The following ARL3 variants were observed in gnomAD, a reference collection of about 807,000 sequenced individuals.
The protein encoded by ARL3 is ARF like GTPase 3.
Under a neutral mutation model 26.0 loss-of-function variants are expected in ARL3, and 9 were observed. The observed-to-expected ratio is 0.35, with a 90% CI of 0.21 to 0.60. The LOEUF (loss-of-function observed/expected upper bound fraction) is 0.60, where lower values mean the gene tolerates loss of function less well. ARL3 is among the 20% of genes least tolerant of loss of function. The pLI, the probability that ARL3 is intolerant of heterozygous loss-of-function variation, is 0.78. For missense variants in ARL3, 158 were observed against 215.7 expected (o/e 0.73, Z 1.67); for synonymous variants, 71 against 78.4 (o/e 0.91, Z 0.50).
At chr10:102,688,357 G>A (rs1017817961) in intron 4 of ARL3, among the ~76,000 whole-genome samples, 27 of 152,234 alleles carry the variant, frequency 1.8e-4, no homozygotes, top group African/African-American at 6.0e-4. Flanking sequence ...GAAGGGTGGT[G>A]GGTTGTTTCC....
intron 2 of ARL3, among the ~76,000 whole-genome samples, chr10:102,700,136 G>A (rs1164012191): frequency 6.6e-6 from 1 of 152,170 alleles, no homozygotes; most frequent in Non-Finnish European, 1.5e-5. Context: ...TTCAGGCTGG[G>A]TGCGTAGCTC....
chr10:102,684,351 G>T (rs1347427297), intron 5 of ARL3, among the ~76,000 whole-genome samples: 1 of 151,812 alleles, frequency 6.6e-6, no homozygotes, highest in East Asian at 1.9e-4. Context: ...GGGCTTCACT[G>T]TGTTAGCCAG....
chr10:102,702,384 T>C (rs1033255202), intron 2 of ARL3, among the ~76,000 whole-genome samples: 2 of 152,184 alleles, frequency 1.3e-5, no homozygotes, highest in African/African-American at 4.8e-5. Flanking sequence ...TATTTATTTA[T>C]ACTTCCTAAA....
At chr10:102,688,240 G>A (rs1421110352) in intron 4 of ARL3, among the ~76,000 whole-genome samples, 1 of 152,144 alleles carries the variant, frequency 6.6e-6, no homozygotes, top group Non-Finnish European at 1.5e-5. Flanking sequence ...AAACACATGG[G>A]CTTTCAAAGA....
chr10:102,687,485 C>T (rs983121080), intron 4 of ARL3, among the ~76,000 whole-genome samples: 7 of 151,852 alleles, frequency 4.6e-5, no homozygotes, highest in East Asian at 3.9e-4. Context: ...GGGCGGAGTT[C>T]GAGACCAGTC....
At chr10:102,694,131 G>A (rs2064234849) in intron 3 of ARL3, among the ~76,000 whole-genome samples, 1 of 152,156 alleles carries the variant, frequency 6.6e-6, no homozygotes, top group Admixed American at 6.5e-5. Context: ...GGGACTACAG[G>A]CGCCTGCCAC....
chr10:102,696,223 C>T (rs1305802052), intron 3 of ARL3, among the ~76,000 whole-genome samples: 1 of 151,136 alleles, frequency 6.6e-6, no homozygotes, highest in Non-Finnish European at 1.5e-5. Flanking sequence ...CTCGGCCTCC[C>T]AAAGTGCTGG....
chr10:102,686,212 C>A (rs1406024098), intron 4 of ARL3, among the ~76,000 whole-genome samples: 1 of 151,472 alleles, frequency 6.6e-6, no homozygotes, highest in Non-Finnish European at 1.5e-5. Flanking sequence ...GCTGGGACTA[C>A]AGGCATGCAC....
chr10:102,696,863 C>T (rs1277759341), intron 3 of ARL3, among the ~76,000 whole-genome samples: 1 of 152,136 alleles, frequency 6.6e-6, no homozygotes, highest in Non-Finnish European at 1.5e-5. Context: ...GTGGAGATGT[C>T]AAATAGGCAG....
rs35266514 is a variant in ARL3 at position 102,676,262 on chromosome 10, C to CTT, written c.*630_*631dup. 5.7e-4 allele frequency: 79 copies of CTT among 138,984 alleles called. No individual in the cohort carries two copies. The highest frequency in any genetic ancestry group is 6.2e-4 in the African/African-American group (23 of 36,810). 8.6% of individuals were successfully genotyped at this position (138,984 alleles called of 1,614,324 possible). A position where few individuals can be genotyped will look rare whatever the true frequency, so the allele number is the denominator to read the frequency against. ...TGTAGTGACTTGTCTGCAAGAAAGA[C>CTT]TTTTTTTTTTTTTTCTGTCCAAAGA... On this transcript the variant is annotated 3_prime_UTR_variant, in exon 6 of 6. Coordinates refer to ENST00000260746, the MANE Select transcript of ARL3 (RefSeq NM_004311.4).
Position 102,676,835 on chromosome 10 carries a change from A to C in ARL3, c.*59T>G. The C allele has an allele frequency of 1.3e-6, 2 of 1,546,254 alleles. No individual in the cohort carries two copies. The highest frequency in any genetic ancestry group is 3.3e-5 in the Admixed American group (2 of 59,836). ...ACATTTGGTCAGAAAGCAGCAAATT[A>C]GTGTTTTTCAGGACCGAATTCGGCT... On this transcript the variant is annotated 3_prime_UTR_variant, in exon 6 of 6. Transcript: ENST00000260746.
chr10:102,694,394 TCTC>T (rs932634695), intron 3 of ARL3, among the ~76,000 whole-genome samples: 48 of 152,362 alleles, frequency 3.2e-4, no homozygotes, highest in African/African-American at 1.1e-3. Flanking sequence ...ACCTAGATGT[TCTC>T]CTATGTTGTC....
At chr10:102,691,047 A>T (rs2064214499) in intron 3 of ARL3, among the ~76,000 whole-genome samples, 1 of 152,118 alleles carries the variant, frequency 6.6e-6, no homozygotes, top group African/African-American at 2.4e-5. Flanking sequence ...TTAATACTCC[A>T]AAGCAAGGGT....
chr10:102,688,951 G>A (rs905798543), intron 4 of ARL3, among the ~76,000 whole-genome samples: 1 of 152,250 alleles, frequency 6.6e-6, no homozygotes, highest in African/African-American at 2.4e-5. Flanking sequence ...AACCTGAAGA[G>A]CCTTTGGGCA....
intron 1 of ARL3, among the ~76,000 whole-genome samples, chr10:102,706,204 C>A (rs1410911248): frequency 1.3e-5 from 2 of 152,130 alleles, no homozygotes; most frequent in South Asian, 2.1e-4. Flanking sequence ...GTAATCCCAG[C>A]ACTTTGGGAG....
intron 2 of ARL3, among the ~76,000 whole-genome samples, chr10:102,703,029 T>C (rs1035134238): frequency 3.3e-5 from 5 of 152,024 alleles, no homozygotes; most frequent in African/African-American, 1.2e-4. Flanking sequence ...CTCTCCCTGT[T>C]GGCTTAGCCA....
At position 102,685,998 on chromosome 10, in the gene ARL3, G is replaced by T. The variant is rs769860527; in HGVS notation, c.319C>A (p.Leu107Ile). The T allele has an allele frequency of 6.2e-7, 1 of 1,611,108 alleles. No individual in the cohort carries two copies. The change falls in exon 5 of 6, where the codon CTA becomes ATA. Residue 107 changes from leucine (L) to isoleucine (I), a missense_variant. Leu to Ile is a conservative substitution (Grantham distance 5). Transcript: ENST00000260746. ...TTTTCTTCCTCCAGTAATTCCGCTA[G>T]TTCCTGGATTTTGAGAAGGGAGAGG... Reference protein sequence around the residue: ...RKRFEETGQELAELLEEEKLS... With the variant: ...RKRFEETGQEIAELLEEEKLS...
chr10:102,714,040 C>T (rs907420794), intron 1 of ARL3, among the ~76,000 whole-genome samples: 1 of 152,240 alleles, frequency 6.6e-6, no homozygotes, highest in African/African-American at 2.4e-5. Flanking sequence ...CCAGCCCCTT[C>T]CCCAAGCCTC....
At chr10:102,705,720 A>G (rs1041386706) in intron 1 of ARL3, among the ~76,000 whole-genome samples, 46 of 152,202 alleles carry the variant, frequency 3.0e-4, no homozygotes, top group Admixed American at 2.0e-3. Context: ...TGCTCCTCCA[A>G]TCAATCTAGC....
Sources: gnomAD v4.1 joint callset for allele counts (sites outside exome capture counted in the v4.1 genomes callset) on GRCh38, gnomAD v4.1.1 for gene constraint, MANE v1.5 for transcripts, NCBI Gene and HGNC (gene_info 2026-07-23, HGNC 2026-07-21) for gene names.